The following ATP13A2 variants were observed in gnomAD, a reference collection of about 807,000 sequenced individuals.
ATP13A2 encodes the protein ATPase cation transporting 13A2.
Under a neutral mutation model 138.3 loss-of-function variants are expected in ATP13A2, and 83 were observed. The ratio of observed to expected loss-of-function variants is 0.60; its 90% CI spans 0.50 to 0.72. ATP13A2 has a LOEUF of 0.72. Ranked by LOEUF, ATP13A2 falls within the 30% of genes least tolerant of loss-of-function variation. ATP13A2 has a pLI of 0.00. For missense variants in ATP13A2, 1,402 were observed against 1,606.4 expected (o/e 0.87, Z 2.17); for synonymous variants, 663 against 699.0 (o/e 0.95, Z 0.81).
Position 16,995,472 on chromosome 1 carries a change from T to G in ATP13A2, c.1542+504A>C. On this transcript the variant is annotated intron_variant, in intron 15 of 28. Transcript: ENST00000326735. This position sits in a 1 kb window ranked among gnomAD's most constrained non-coding sequence, Gnocchi z 4.1. ...TAGGGCCCCAGGTCCCCACCAGTAA[T>G]TTTTTTTTTTTTTTGAGTTTTGCTC... The G allele has an allele frequency of 6.6e-6, 1 of 151,946 alleles. No individual in the cohort carries two copies. The highest frequency in any genetic ancestry group is 1.4e-5 in the Non-Finnish European group (1 of 70,054). 9.4% of individuals were successfully genotyped at this position (151,946 alleles called of 1,614,324 possible). A position where few individuals can be genotyped will look rare whatever the true frequency, so the allele number is the denominator to read the frequency against.
At chr1:16,988,262 G>T (rs576215702) in intron 24 of ATP13A2, 28 bp from the exon 25 acceptor site, 1 of 1,614,176 alleles carries the variant, frequency 6.2e-7, no homozygotes, top group African/African-American at 1.3e-5. Context: ...GACATTAGGG[G>T]ACCCAGGTTG....
Position 16,991,727 on chromosome 1 carries a change from AT to A in ATP13A2, c.2251+6del. On this transcript the variant is annotated splice_donor_region_variant and intron_variant, in intron 20 of 28. Transcript: ENST00000326735. ...CTGCTAGCCCGGGCCCCTACATGCCATTGTACCTGTCACCATGACGGCGCGG... is the reference window on the plus strand; with the variant it reads ...CTGCTAGCCCGGGCCCCTACATGCCATGTACCTGTCACCATGACGGCGCGG... 1.9e-6 allele frequency: 3 copies of A among 1,614,044 alleles called. No homozygotes were observed. In the South Asian group the frequency reaches 3.3e-5, roughly 18 times the overall value.
Position 17,004,479 on chromosome 1 carries a change from G to A in ATP13A2, c.478-68C>T. 5.7e-6 allele frequency: 9 copies of A among 1,578,686 alleles called. No individual in the cohort carries two copies. Among genetic ancestry groups the A allele is most frequent in the Non-Finnish European group, 7.8e-6 (9 of 1,154,262 alleles). ...GCCCCAGAAGCAGTGTGCTTATGCT[G>A]GGAGCCGAGGGATGGGGGTAGGGGG... On this transcript the variant is annotated intron_variant, in intron 5 of 28. Transcript: ENST00000326735. This position sits in a 1 kb window ranked among gnomAD's most constrained non-coding sequence, Gnocchi z 4.1.
intron 1 of ATP13A2, among the ~76,000 whole-genome samples, chr1:17,008,657 A>G (rs537406017): frequency 2.0e-5 from 3 of 151,978 alleles, no homozygotes; most frequent in Non-Finnish European, 2.9e-5. Context: ...TGTACCTTAA[A>G]ACCCTCAGGC....
Position 17,000,013 on chromosome 1 carries a change from G to A in ATP13A2, c.1037C>T (p.Thr346Ile). The A allele has an allele frequency of 6.2e-7, 1 of 1,606,700 alleles. No homozygotes were observed. The highest frequency in any genetic ancestry group is 8.5e-7 in the Non-Finnish European group (1 of 1,176,232). The change falls in exon 11 of 29, where the codon ACA becomes ATA. Residue 346 changes from threonine (T) to isoleucine (I), a missense_variant and splice_region_variant. Coordinates refer to ENST00000326735, the MANE Select transcript of ATP13A2 (RefSeq NM_022089.4). ...GECMVNESSL[T>I]GESIPVLKTA... ...CAGGCCAGGGGCTGGGGGCTCACCTGTCAGAGAGCTCTCATTCACCATGCA... is the reference window on the plus strand; with the variant it reads ...CAGGCCAGGGGCTGGGGGCTCACCTATCAGAGAGCTCTCATTCACCATGCA...
Position 16,986,302 on chromosome 1 carries a change from G to A in ATP13A2, c.3462C>T (p.Ala1154=), listed in dbSNP as rs761171771. The change falls in exon 29 of 29, where the codon GCC becomes GCT. Residue 1154 remains alanine, a synonymous_variant. Coordinates refer to ENST00000326735, the MANE Select transcript of ATP13A2 (RefSeq NM_022089.4). The surrounding 1 kb of genome is among the most constrained non-coding windows in gnomAD (Gnocchi z 6.9). The part of the protein sequence containing the change: ...ACLRRLRPKR[A]SKKRFKQLER... ...CCAGCTGCTTGAAGCGCTTCTTGGA[G>A]GCCCGCTTGGGCCGGAGGCGGCGCA... 6.3e-7 allele frequency: 1 copy of A among 1,594,488 alleles called. No individual in the cohort carries two copies. Among genetic ancestry groups the A allele is most frequent in the Non-Finnish European group, 8.5e-7 (1 of 1,171,770 alleles).
Position 16,986,222 on chromosome 1 carries a change from T to C in ATP13A2, c.3542A>G (p.Ter1181TrpextTer15), listed in dbSNP as rs1163991637. ...GTCTGGGGTGCCCGTGGGCCTGCACTACCTCAGGGGGCCGGCGGGCAGCGG... is the reference window on the plus strand; with the variant it reads ...GTCTGGGGTGCCCGTGGGCCTGCACCACCTCAGGGGGCCGGCGGGCAGCGG... ...WPPLPAGPLR[*>W] The change falls in exon 29 of 29, where the codon TAG becomes TGG. Residue 1181 changes from the stop codon to tryptophan, a stop_lost. Transcript: ENST00000326735. This position sits in a 1 kb window ranked among gnomAD's most constrained non-coding sequence, Gnocchi z 6.9. 1 of 1,612,318 alleles carries C rather than the reference T, an allele frequency of 6.2e-7. No individual in the cohort carries two copies. The highest frequency in any genetic ancestry group is 1.7e-4 in the Middle Eastern group (1 of 6,020).
chr1:16,988,274 C>T, intron 24 of ATP13A2, 40 bp from the exon 25 acceptor site: 1 of 1,614,192 alleles, frequency 6.2e-7, no homozygotes, highest in South Asian at 1.1e-5. Flanking sequence ...CCCAGGTTGG[C>T]TGACCAGCCC....
At chr1:17,000,355 C>T (rs757400152) in intron 9 of ATP13A2, 43 bp from the exon 10 acceptor site, 1 of 1,590,902 alleles carries the variant, frequency 6.3e-7, no homozygotes, top group East Asian at 2.3e-5. Flanking sequence ...GTGGGGGCCC[C>T]TGGGGACCCA....
At chr1:16,997,281 C>A in intron 11 of ATP13A2, 106 bp from the exon 12 acceptor site, 1 of 1,380,062 alleles carries the variant, frequency 7.2e-7, no homozygotes. Flanking sequence ...TCAGTTAACT[C>A]TGTAACCAGG....
intron 15 of ATP13A2, among the ~76,000 whole-genome samples, chr1:16,994,788 G>A (rs552720713): frequency 1.3e-4 from 20 of 152,104 alleles, no homozygotes; most frequent in Admixed American, 3.3e-4. Flanking sequence ...CCAGCCTCCC[G>A]AGTAACTGGG....
At chr1:16,991,888 T>G (rs1207452845) in intron 19 of ATP13A2, 30 bp from the exon 20 acceptor site, 1 of 1,613,824 alleles carries the variant, frequency 6.2e-7, no homozygotes. Context: ...GGATCAGAGG[T>G]CATGCAGTGG....
chr1:16,987,087 G>A lies in ATP13A2; in HGVS notation c.3042C>T (p.Gly1014=), dbSNP rs1415173041. 16 of 1,613,348 alleles carry A rather than the reference G, an allele frequency of 9.9e-6. No homozygotes were observed. Among genetic ancestry groups the A allele is most frequent in the East Asian group, 2.2e-5 (1 of 44,882 alleles). The part of the protein sequence containing the change: ...SLLLQMVLVT[G]VQLGGYFLTL... Reference sequence around the variant, plus strand: ...TCAGGAAGTAGCCCCCTAGCTGCACGCCGGTCACCAGGACCATCTGCAGCA... The same window carrying A: ...TCAGGAAGTAGCCCCCTAGCTGCACACCGGTCACCAGGACCATCTGCAGCA... Residue 1014 remains glycine, a synonymous_variant, in exon 26 of 29, where the codon GGC becomes GGT. Coordinates refer to ENST00000326735, the MANE Select transcript of ATP13A2 (RefSeq NM_022089.4).
At chr1:16,989,863 C>T (rs1469666499) in intron 22 of ATP13A2, 24 bp downstream of exon 22, 1 of 1,609,000 alleles carries the variant, frequency 6.2e-7, no homozygotes, top group Admixed American at 1.7e-5. Context: ...CGCAGGGCGG[C>T]CAGGGAGCTG....
At chr1:16,989,590 C>CTGCTTTTGG (rs1373522645) in intron 23 of ATP13A2, 101 bp downstream of exon 23, 1 of 1,193,434 alleles carries the variant, frequency 8.4e-7, no homozygotes, top group Non-Finnish European at 1.2e-6. Context: ...TCTCTGGTGC[C>CTGCTTTTGG]TGAGGAGGGA....
In ATP13A2 at chr1:17,004,943, C is replaced by G. The variant is rs1036002658; in HGVS notation, c.347+71G>C. On this transcript the variant is annotated intron_variant, in intron 4 of 28. Transcript: ENST00000326735. The surrounding 1 kb of genome is among the most constrained non-coding windows in gnomAD (Gnocchi z 4.1). ...GCCAGAGTCAGCCTTTATGGGGGGG[C>G]CGAGGGTTGGGGAAGTTGGGGAGGC... The G allele has an allele frequency of 1.8e-4, 298 of 1,611,608 alleles. 1 individual carries two copies. The African/African-American group carries it at 3.6e-3, about 19-fold the overall frequency.
chr1:16,996,650 G>A (rs1214237815), intron 12 of ATP13A2, 154 bp from the exon 13 acceptor site: 16 of 657,620 alleles, frequency 2.4e-5, no homozygotes, highest in South Asian at 3.7e-5. Flanking sequence ...GGTCTGGCCC[G>A]GCTCTTGTAG....
chr1:17,011,695 C>T lies in ATP13A2; in HGVS notation c.10+34G>A. 6.7e-7 allele frequency: 1 copy of T among 1,483,916 alleles called. No individual in the cohort carries two copies. The highest frequency in any genetic ancestry group is 8.9e-7 in the Non-Finnish European group (1 of 1,123,516). 91.9% of individuals were successfully genotyped at this position (1,483,916 alleles called of 1,614,324 possible). Reference sequence around the variant, plus strand: ...GACAACTGGCGGGCCGGGGACCGCGCCGGGCTCGGGGCCGACCCGGACTCC... The same window carrying T: ...GACAACTGGCGGGCCGGGGACCGCGTCGGGCTCGGGGCCGACCCGGACTCC... On this transcript the variant is annotated intron_variant, in intron 1 of 28. Coordinates refer to ENST00000326735, the MANE Select transcript of ATP13A2 (RefSeq NM_022089.4). This position sits in a 1 kb window ranked among gnomAD's most constrained non-coding sequence, Gnocchi z 7.3.
At position 16,991,840 on chromosome 1, in the gene ATP13A2, G is replaced by A. The variant is rs1409913726; in HGVS notation, c.2145C>T (p.Asp715=). 1.2e-6 allele frequency: 2 copies of A among 1,614,110 alleles called. No homozygotes were observed. Among genetic ancestry groups the A allele is most frequent in the South Asian group, 2.2e-5 (2 of 91,086 alleles). ...TGACCAGCAGCCCCAGGAGGCTCAG[G>A]TCTCCTTCCACAGTGTCCCTGGAGG... ...QQLTRDTVEG[D]LSLLGLLVMR... The change falls in exon 20 of 29, where the codon GAC becomes GAT. Residue 715 remains aspartate (D), a synonymous_variant. Coordinates refer to ENST00000326735, the MANE Select transcript of ATP13A2 (RefSeq NM_022089.4).
Sources: gnomAD v4.1 joint callset for allele counts (sites outside exome capture counted in the v4.1 genomes callset) on GRCh38, gnomAD v4.1.1 for gene constraint, Gnocchi (gnomAD v3.1) non-coding constraint, MANE v1.5 for transcripts, NCBI Gene and HGNC (gene_info 2026-07-23, HGNC 2026-07-21) for gene names.